Variants in ALK observed in about 807,000 individuals in gnomAD.
ALK encodes ALK receptor tyrosine kinase, also known as ALK tyrosine kinase receptor.
A neutral mutation model predicts 163.1 loss-of-function variants in ALK; 74 were observed. That is an observed-to-expected ratio of 0.45 (90% CI 0.38 to 0.55). The LOEUF (loss-of-function observed/expected upper bound fraction) is 0.55. ALK is among the 20% of genes least tolerant of loss of function. ALK has a pLI of 0.00. For synonymous variants in ALK, 960 were observed against 843.2 expected (o/e 1.14, Z -2.40); for missense variants, 2,063 against 2,105.3 (o/e 0.98, Z 0.39).
At chr2:29,326,722 G>T (rs186905959) in intron 6 of ALK, among the ~76,000 whole-genome samples, 2 of 152,284 alleles carry the variant, frequency 1.3e-5, no homozygotes, top group African/African-American at 4.8e-5. Flanking sequence ...GTATAGAAAT[G>T]AAGTTTTAAA....
chr2:29,232,483 G>A (rs972066339), intron 14 of ALK, 35 bp from the exon 15 acceptor site: 18 of 1,613,664 alleles, frequency 1.1e-5, no homozygotes, highest in Middle Eastern at 1.6e-4. Flanking sequence ...TTGAGAAACC[G>A]AGCTGTGCTT....
intron 1 of ALK, among the ~76,000 whole-genome samples, chr2:29,818,457 G>A (rs1664956225): frequency 3.3e-5 from 5 of 152,254 alleles, no homozygotes; most frequent in Admixed American, 3.3e-4. Context: ...AGACGTTAGA[G>A]GAAGCCCGGC....
intron 3 of ALK, among the ~76,000 whole-genome samples, chr2:29,591,969 A>G (rs1243609412): frequency 2.0e-5 from 3 of 151,882 alleles, no homozygotes; most frequent in African/African-American, 7.3e-5. Context: ...CTTGTTGCCA[A>G]TCTTAAGATC....
chr2:29,680,392 T>C (rs1050511969), intron 3 of ALK, among the ~76,000 whole-genome samples: 7 of 152,234 alleles, frequency 4.6e-5, no homozygotes, highest in African/African-American at 1.7e-4. Flanking sequence ...CTCTGTTCTT[T>C]AGGGTGAAAA....
rs1006790818 is a variant in ALK at position 29,717,518 on chromosome 2, A to G, written c.787+60T>C. 14 of 1,601,546 alleles carry G rather than the reference A, an allele frequency of 8.7e-6. No homozygotes were observed. In the African/African-American group the frequency reaches 1.3e-4, roughly 15 times the overall value. On this transcript the variant is annotated intron_variant, in intron 2 of 28. Coordinates refer to ENST00000389048, the MANE Select transcript of ALK (RefSeq NM_004304.5). ...CTATGAATCCCAAACTGAAACTCAC[A>G]GAGTCCTTATTATGAGATAGTGACA...
intron 1 of ALK, among the ~76,000 whole-genome samples, chr2:29,757,980 G>GAT (rs1443756444): frequency 6.8e-6 from 1 of 146,444 alleles, no homozygotes; most frequent in Non-Finnish European, 1.5e-5. Flanking sequence ...CCCAAGAGAT[G>GAT]ATATTCACAC....
At chr2:29,654,319 C>T (rs1054944046) in intron 3 of ALK, among the ~76,000 whole-genome samples, 2 of 152,092 alleles carry the variant, frequency 1.3e-5, no homozygotes, top group African/African-American at 4.8e-5. Flanking sequence ...CTGTCTTTAC[C>T]ACACCATCTT....
intron 3 of ALK, among the ~76,000 whole-genome samples, chr2:29,629,214 C>T (rs1676288803): frequency 6.6e-6 from 1 of 152,192 alleles, no homozygotes; most frequent in Non-Finnish European, 1.5e-5. Context: ...ACCCAACTGA[C>T]AGGACCATTG....
At chr2:29,196,894 G>A (rs2148142057) in intron 27 of ALK, 34 bp from the exon 28 acceptor site, 1 of 1,511,586 alleles carries the variant, frequency 6.6e-7, no homozygotes, top group Non-Finnish European at 9.2e-7. Flanking sequence ...AAAATAAGGA[G>A]AAGCACAATG....
chr2:29,451,303 C>T (rs1377552504), intron 4 of ALK, among the ~76,000 whole-genome samples: 1 of 152,166 alleles, frequency 6.6e-6, no homozygotes, highest in Non-Finnish European at 1.5e-5. Flanking sequence ...TGCACACTGA[C>T]CAATCTTTCT....
intron 1 of ALK, among the ~76,000 whole-genome samples, chr2:29,797,615 A>G (rs1664352077): frequency 6.6e-6 from 1 of 152,162 alleles, no homozygotes; most frequent in South Asian, 2.1e-4. Context: ...AGTGCCAGGG[A>G]CATTGCTTAG....
At chr2:29,541,337 C>T (rs956887715) in intron 3 of ALK, among the ~76,000 whole-genome samples, 1 of 152,208 alleles carries the variant, frequency 6.6e-6, no homozygotes, top group African/African-American at 2.4e-5. Context: ...CAGAGTCTTG[C>T]TCTGGAGTGC....
chr2:29,689,565 G>A (rs1361935642), intron 3 of ALK, among the ~76,000 whole-genome samples: 1 of 152,144 alleles, frequency 6.6e-6, no homozygotes, highest in East Asian at 1.9e-4. Context: ...TTCCTGAAGG[G>A]TCTAAGAATT....
At chr2:29,454,703 C>CA (rs60100821) in intron 4 of ALK, among the ~76,000 whole-genome samples, 63,088 of 151,722 alleles carry the variant, frequency 0.42, 13,523 homozygotes, top group African/African-American at 0.48. Context: ...AACAAAAAAC[C>CA]AAAAACCTTA....
At chr2:29,554,100 C>A (rs530633599) in intron 3 of ALK, among the ~76,000 whole-genome samples, 1 of 152,132 alleles carries the variant, frequency 6.6e-6, no homozygotes, top group South Asian at 2.1e-4. Flanking sequence ...TATTTATGAA[C>A]TTGAGTGTCT....
At chr2:29,414,190 G>T (rs948318002) in intron 4 of ALK, among the ~76,000 whole-genome samples, 4 of 152,200 alleles carry the variant, frequency 2.6e-5, no homozygotes, top group African/African-American at 9.6e-5. Flanking sequence ...GTGGTCTGCT[G>T]TTGACCAAAA....
rs1024064700 is a variant in ALK, at chr2:29,593,400, G to C, written c.953-61284C>G. Among the ~76,000 whole-genome samples the C allele has an allele frequency of 6.6e-5, 10 of 152,212 alleles. No individual in the cohort carries two copies. In the South Asian group the frequency reaches 1.0e-3, roughly 16 times the overall value. On this transcript the variant is annotated intron_variant, in intron 3 of 28. Transcript: ENST00000389048. ...TCACCCTAGGACGTAGTTTCCCTGA[G>C]AATGAGGGAATTGACCCCTCTTCAC... is the stretch of plus-strand genomic sequence containing the variant.
chr2:29,419,938 C>A (rs1423340375), intron 4 of ALK, among the ~76,000 whole-genome samples: 1 of 151,266 alleles, frequency 6.6e-6, no homozygotes, highest in Non-Finnish European at 1.5e-5. Context: ...GTAGGCAAAT[C>A]ACTTGAGCTA....
At chr2:29,669,104 T>C (rs1367116344) in intron 3 of ALK, among the ~76,000 whole-genome samples, 2 of 151,994 alleles carry the variant, frequency 1.3e-5, no homozygotes, top group Admixed American at 6.6e-5. Flanking sequence ...CAAATATCAG[T>C]TAGGCACATT....
Sources: allele counts gnomAD v4.1 joint callset (sites outside exome capture counted in the v4.1 genomes callset), GRCh38; gene constraint gnomAD v4.1.1; transcripts MANE v1.5; gene names NCBI Gene and HGNC (gene_info 2026-07-23, HGNC 2026-07-21).